Variants in PRDM1 observed in about 807,000 individuals in gnomAD.
PRDM1 encodes PR/SET domain 1.
PRDM1 carries 13 observed loss-of-function variants against 62.8 expected under a neutral mutation model. That is an observed-to-expected ratio of 0.21 (90% CI 0.13 to 0.33). PRDM1 has a LOEUF of 0.33. PRDM1 is among the 10% of genes least tolerant of loss of function. The probability of loss-of-function intolerance (pLI) is 1.00; values close to 1 mark genes in which losing one functional copy is unlikely to be tolerated. For missense variants in PRDM1, 895 were observed against 1,058.8 expected (o/e 0.85, Z 2.15); for synonymous variants, 396 against 417.6 (o/e 0.95, Z 0.63).
At chr6:106,098,448 C>T (rs1420360811) in intron 3 of PRDM1, 1 of 985,396 alleles carries the variant, frequency 1.0e-6, no homozygotes, top group Non-Finnish European at 1.2e-6. Flanking sequence ...CTTCATTCTG[C>T]GTTGCCTTTA....
chr6:106,105,493 C>G lies in PRDM1; in HGVS notation c.1333C>G (p.Pro445Ala). 3.1e-6 allele frequency: 5 copies of G among 1,614,068 alleles called. No homozygotes were observed. Among genetic ancestry groups the G allele is most frequent in the South Asian group, 1.1e-5 (1 of 91,082 alleles). The change falls in exon 5 of 7, where the codon CCT becomes GCT. Residue 445 changes from proline (P) to alanine (A), a missense_variant. Physicochemically the swap from Pro to Ala is conservative, Grantham distance 27 (BLOSUM62 -1). Transcript: ENST00000369096. ...NNFGLFPRLC[P>A]VYSNLLGGGS... ...CTTTGGCCTCTTCCCGAGGCTGTGC[C>G]CTGTCTACAGCAATCTCCTCGGTGG...
At chr6:106,050,929 G>A (rs1350886532) in intron 1 of PRDM1, among the ~76,000 whole-genome samples, 2 of 152,148 alleles carry the variant, frequency 1.3e-5, no homozygotes, top group African/African-American at 4.8e-5. Flanking sequence ...TTAAAATTTA[G>A]TGATAAATTG....
At chr6:106,019,530 G>A (rs1772667183) in intron 1 of PRDM1, among the ~76,000 whole-genome samples, 1 of 151,540 alleles carries the variant, frequency 6.6e-6, no homozygotes, top group Non-Finnish European at 1.5e-5. Flanking sequence ...AATGAAACGG[G>A]GTAGCTGGAG....
At chr6:106,057,347 T>C (rs1008947259) in intron 1 of PRDM1, among the ~76,000 whole-genome samples, 2 of 152,206 alleles carry the variant, frequency 1.3e-5, no homozygotes, top group South Asian at 2.1e-4. Flanking sequence ...GGTGTTAAAG[T>C]TGTATTTATA....
At chr6:106,012,922 G>C (rs1342038631) in intron 1 of PRDM1, among the ~76,000 whole-genome samples, 3 of 152,158 alleles carry the variant, frequency 2.0e-5, no homozygotes, top group African/African-American at 7.2e-5. Flanking sequence ...ATATCCTTTT[G>C]TGTGTGTGTG....
At chr6:106,020,178 G>T (rs1772678907) in intron 1 of PRDM1, among the ~76,000 whole-genome samples, 1 of 129,214 alleles carries the variant, frequency 7.7e-6, no homozygotes, top group Admixed American at 7.8e-5. Context: ...ACGAGACTCT[G>T]TCTCAAAAAA....
At chr6:106,082,908 C>G (rs1401087065), upstream of PRDM1, among the ~76,000 whole-genome samples, 1 of 152,146 alleles carries the variant, frequency 6.6e-6, no homozygotes, top group Non-Finnish European at 1.5e-5. Flanking sequence ...CAATGACACA[C>G]ACAGGCTGCA....
intron 1 of PRDM1, among the ~76,000 whole-genome samples, chr6:106,015,355 T>C (rs535860175): frequency 5.3e-5 from 8 of 152,358 alleles, no homozygotes; most frequent in Admixed American, 5.2e-4. Context: ...AAAGTGCTAC[T>C]TGGGCAAAGA....
intron 3 of PRDM1, among the ~76,000 whole-genome samples, chr6:106,096,791 T>C (rs1774127925): frequency 6.6e-6 from 1 of 152,182 alleles, no homozygotes; most frequent in South Asian, 2.1e-4. Context: ...CAGATTGCTT[T>C]CCTTCTTCCC....
chr6:106,055,004 A>G (rs991477925), intron 1 of PRDM1, among the ~76,000 whole-genome samples: 1 of 152,240 alleles, frequency 6.6e-6, no homozygotes, highest in Admixed American at 6.5e-5. Context: ...CAATTTGTTT[A>G]TAATTTGGAA....
At chr6:106,057,306 A>G (rs996758756) in intron 1 of PRDM1, among the ~76,000 whole-genome samples, 3 of 152,162 alleles carry the variant, frequency 2.0e-5, no homozygotes, top group Admixed American at 2.0e-4. Context: ...AATTTTTATG[A>G]GTGGTTTAGA....
intron 1 of PRDM1, among the ~76,000 whole-genome samples, chr6:106,023,137 G>A (rs1279484118): frequency 6.6e-6 from 1 of 152,166 alleles, no homozygotes; most frequent in African/African-American, 2.4e-5. Flanking sequence ...GCACTGTCTT[G>A]ATGTAAAAGT....
intron 2 of PRDM1, among the ~76,000 whole-genome samples, chr6:106,090,082 T>G (rs1341289743): frequency 1.3e-5 from 2 of 152,240 alleles, no homozygotes; most frequent in East Asian, 3.8e-4. Context: ...AGAAAGACAG[T>G]CACTTACCCA....
chr6:106,045,865 G>A (rs1322204865), upstream of PRDM1: 1 of 152,188 alleles, frequency 6.6e-6, no homozygotes, highest in East Asian at 1.9e-4. Flanking sequence ...CAATGCCTAT[G>A]TTCTAGAGAA....
At position 106,064,048 on chromosome 6, in the gene PRDM1, C is replaced by T. The variant is rs562542276; in HGVS notation, c.-67+15334C>T. Among the ~76,000 whole-genome samples, 80 of 152,278 alleles carry T rather than the reference C, an allele frequency of 5.3e-4. No individual in the cohort carries two copies. The South Asian group carries it at 7.3e-3, about 14-fold the overall frequency. ...ATGGACCCGATTGCAAGAGGAAGTA[C>T]ATTTTTCATAGATGAAAGGGAGAAA... On this transcript the variant is annotated intron_variant, in intron 1 of 6. Transcript: ENST00000651185.
intron 1 of PRDM1, among the ~76,000 whole-genome samples, chr6:106,078,803 A>G (rs1186375028): frequency 3.3e-5 from 5 of 152,128 alleles, no homozygotes; most frequent in African/African-American, 9.7e-5. Flanking sequence ...ACGGTGAGCC[A>G]TGATTGTGCC....
At chr6:106,058,922 A>G (rs1459810861) in intron 1 of PRDM1, among the ~76,000 whole-genome samples, 1 of 152,050 alleles carries the variant, frequency 6.6e-6, no homozygotes, top group Non-Finnish European at 1.5e-5. Context: ...CTGTTCAAGA[A>G]CTCATGGTTC....
At chr6:106,047,084 TAACA>T (rs541153096), upstream of PRDM1, among the ~76,000 whole-genome samples, 2 of 152,338 alleles carry the variant, frequency 1.3e-5, no homozygotes, top group South Asian at 4.1e-4. Context: ...CCTTGCTTCT[TAACA>T]AACAGGACTA....
intron 4 of PRDM1, 101 bp from the exon 5 acceptor site, chr6:106,104,724 A>G: frequency 1.4e-6 from 2 of 1,391,014 alleles, no homozygotes; most frequent in South Asian, 1.4e-5. Flanking sequence ...TTGTGTCGCC[A>G]GCTGTTACTC....
Sources: gnomAD v4.1 joint callset for allele counts (sites outside exome capture counted in the v4.1 genomes callset) on GRCh38, gnomAD v4.1.1 for gene constraint, MANE v1.5 for transcripts, NCBI Gene and HGNC (gene_info 2026-07-23, HGNC 2026-07-21) for gene names.